The following CD300A variants were observed in gnomAD, a reference collection of about 807,000 sequenced individuals.
The protein encoded by CD300A is CMRF35-like molecule 8.
Under a neutral mutation model 33.6 loss-of-function variants are expected in CD300A, and 22 were observed. The ratio of observed to expected loss-of-function variants is 0.66; its 90% CI spans 0.47 to 0.94. The LOEUF is 0.94. Among genes scored for constraint, CD300A ranks in the 40% least tolerant of loss-of-function variants. The pLI, the probability that CD300A is intolerant of heterozygous loss-of-function variation, is 0.00. For synonymous variants in CD300A, 136 were observed against 148.1 expected, an observed-to-expected ratio of 0.92 and a Z score of 0.59; for missense variants, 326 against 360.5, an observed-to-expected ratio of 0.90 and a Z score of 0.77.
At chr17:74,476,918 T>G (rs1906502199) in intron 3 of CD300A, among the ~76,000 whole-genome samples, 1 of 152,150 alleles carries the variant, frequency 6.6e-6, no homozygotes, top group Admixed American at 6.6e-5. Context: ...ACATTCGTAT[T>G]TGCTTGTATA....
chr17:74,483,697 G>T (rs1159617254), intron 6 of CD300A, among the ~76,000 whole-genome samples: 5 of 151,554 alleles, frequency 3.3e-5, no homozygotes, highest in Non-Finnish European at 7.4e-5. Context: ...GGTGTCTTGG[G>T]GGAGCCCAGC....
chr17:74,480,333 G>A lies in CD300A; in HGVS notation c.629-956G>A, dbSNP rs148650618. Among the ~76,000 whole-genome samples the A allele has an allele frequency of 4.5e-3, 681 of 152,248 alleles. 10 individuals carry two copies. Among genetic ancestry groups the A allele is most frequent in the African/African-American group, 0.016 (648 of 41,554 alleles). The stretch of plus-strand genomic sequence containing the variant: ...TGGGCTCTGGGGTTGCCTGGCTGTG[G>A]ACCTAACCAAGGGCATCAGCAGCGT... On this transcript the variant is annotated intron_variant, in intron 4 of 6. Transcript: ENST00000360141. This position sits in a 1 kb window ranked among gnomAD's most constrained non-coding sequence, Gnocchi z 4.2.
chr17:74,473,953 G>A, intron 2 of CD300A, 79 bp downstream of exon 2: 1 of 1,495,216 alleles, frequency 6.7e-7, no homozygotes. Flanking sequence ...GAGACGTGAA[G>A]CAGACAGTGT....
At chr17:74,473,328 C>T (rs887380381) in intron 1 of CD300A, among the ~76,000 whole-genome samples, 2 of 151,980 alleles carry the variant, frequency 1.3e-5, no homozygotes, top group Non-Finnish European at 2.9e-5. Context: ...AGCCTGAGCT[C>T]TTCCGGTCTC....
chr17:74,466,812 AG>A (rs1905741171), intron 1 of CD300A, 69 bp downstream of exon 1: 2 of 1,552,314 alleles, frequency 1.3e-6, no homozygotes, highest in African/African-American at 2.7e-5. Flanking sequence ...GCCGCAGGGC[AG>A]GTATCACACG....
intron 1 of CD300A, among the ~76,000 whole-genome samples, chr17:74,469,362 T>TAA (rs879791899): frequency 2.8e-5 from 4 of 143,818 alleles, no homozygotes; most frequent in East Asian, 4.0e-4. Context: ...CCCCGTCTCT[T>TAA]AAAAAAAAAA....
chr17:74,470,701 T>C (rs910558068), intron 1 of CD300A, among the ~76,000 whole-genome samples: 2 of 152,064 alleles, frequency 1.3e-5, no homozygotes, highest in South Asian at 2.1e-4. Flanking sequence ...CAGGCTGGAG[T>C]GCAGTGGTGT....
chr17:74,472,825 G>C (rs541779798), intron 1 of CD300A, among the ~76,000 whole-genome samples: 2 of 152,280 alleles, frequency 1.3e-5, no homozygotes, highest in Admixed American at 6.5e-5. Flanking sequence ...GGCCAGGCTA[G>C]TCTCGAACTC....
chr17:74,481,225 G>A, intron 4 of CD300A, 64 bp from the exon 5 acceptor site: 2 of 1,529,540 alleles, frequency 1.3e-6, no homozygotes, highest in Non-Finnish European at 1.8e-6. Flanking sequence ...CAGAAGGCTT[G>A]TAAGGTCCTC....
In CD300A at chr17:74,484,172, G is replaced by T. The variant is rs1907106938; in HGVS notation, c.*46G>T. ...TCGGAGCTCTCATGGGCCCCAGGAA[G>T]TCCAGGGACAGCTCCCTTATACCTG... is the stretch of plus-strand genomic sequence containing the variant. On this transcript the variant is annotated 3_prime_UTR_variant, in exon 7 of 7. Coordinates refer to ENST00000360141, the MANE Select transcript of CD300A (RefSeq NM_007261.4). The T allele has an allele frequency of 2.5e-6, 4 of 1,606,042 alleles. No homozygotes were observed. Among genetic ancestry groups the T allele is most frequent in the Non-Finnish European group, 3.4e-6 (4 of 1,175,240 alleles).
chr17:74,478,325 C>T (rs1485500773), intron 4 of CD300A, among the ~76,000 whole-genome samples: 2 of 152,216 alleles, frequency 1.3e-5, no homozygotes, highest in Admixed American at 1.3e-4. Flanking sequence ...ATCTGCCTTC[C>T]CACAGGCATG....
rs1330424467 is a variant in CD300A, at chr17:74,480,342, AAGGGCATCAGC to A, written c.629-944_629-934del. On this transcript the variant is annotated intron_variant, in intron 4 of 6. Transcript: ENST00000360141. The surrounding 1 kb of genome is among the most constrained non-coding windows in gnomAD (Gnocchi z 4.2). ...GGGTTGCCTGGCTGTGGACCTAACC[AAGGGCATCAGC>A]AGCGTGTGTGTCACCCGCTGCCCAC... Among the ~76,000 whole-genome samples, 1 of 152,006 alleles carries A rather than the reference AAGGGCATCAGC, an allele frequency of 6.6e-6. No homozygotes were observed. The highest frequency in any genetic ancestry group is 2.1e-4 in the South Asian group (1 of 4,822).
chr17:74,473,913 GT>G, intron 2 of CD300A, 39 bp downstream of exon 2: 1 of 1,583,946 alleles, frequency 6.3e-7, no homozygotes, highest in Non-Finnish European at 8.6e-7. Flanking sequence ...ATAGGCTCAG[GT>G]TGGAATTGTT....
Position 74,481,332 on chromosome 17 carries a change from G to T in CD300A, c.666+6G>T, listed in dbSNP as rs1906829933. The T allele has an allele frequency of 1.2e-6, 2 of 1,613,770 alleles. No individual in the cohort carries two copies. The highest frequency in any genetic ancestry group is 4.5e-5 in the East Asian group (2 of 44,814). Reference sequence around the variant, plus strand: ...TGTCCCAGAACCCCAAGCAGGTAAGGGGGCTTTAGCAGGAGGTGTATCAGG... The same window carrying T: ...TGTCCCAGAACCCCAAGCAGGTAAGTGGGCTTTAGCAGGAGGTGTATCAGG... On this transcript the variant is annotated splice_donor_region_variant and intron_variant, in intron 5 of 6. Transcript: ENST00000360141.
chr17:74,474,566 G>A lies in CD300A; in HGVS notation c.414G>A (p.Ala138=), dbSNP rs1008144753. The A allele has an allele frequency of 1.1e-5, 18 of 1,614,018 alleles. No homozygotes were observed. Among genetic ancestry groups the A allele is most frequent in the African/African-American group, 2.7e-5 (2 of 74,922 alleles). The part of the protein sequence containing the change: ...STSMTPASIT[A]AKTSTITTAF... ...CAATGACACCTGCAAGTATCACTGC[G>A]GCCAAGACCTCAACAATCACAACTG... is the stretch of plus-strand genomic sequence containing the variant. Residue 138 remains alanine (A), a synonymous_variant, in exon 3 of 7, where the codon GCG becomes GCA. Coordinates refer to ENST00000360141, the MANE Select transcript of CD300A (RefSeq NM_007261.4).
At chr17:74,475,032 C>T (rs1010529869) in intron 3 of CD300A, among the ~76,000 whole-genome samples, 4 of 152,094 alleles carry the variant, frequency 2.6e-5, no homozygotes, top group East Asian at 1.9e-4. Flanking sequence ...GTTTTCGCAC[C>T]GTTGATAAAG....
rs531439582 is a variant in CD300A at position 74,474,003 on chromosome 17, G to C, written c.379+129G>C. Reference sequence around the variant, plus strand: ...GTAAGAGAGAGAGAGGTGGGGGCCAGGGGAACACAGTCAGGGGGTCTCTCC... The same window carrying C: ...GTAAGAGAGAGAGAGGTGGGGGCCACGGGAACACAGTCAGGGGGTCTCTCC... On this transcript the variant is annotated intron_variant, in intron 2 of 6. Coordinates refer to ENST00000360141, the MANE Select transcript of CD300A (RefSeq NM_007261.4). The C allele has an allele frequency of 3.7e-5, 39 of 1,051,808 alleles. 1 individual carries two copies. The South Asian group carries it at 5.9e-4, about 16-fold the overall frequency. 65.2% of individuals were successfully genotyped at this position (1,051,808 alleles called of 1,614,324 possible).
upstream of CD300A, chr17:74,466,466 A>T: frequency 3.4e-6 from 2 of 587,096 alleles, no homozygotes; most frequent in South Asian, 4.1e-5. Flanking sequence ...TAGCCGAAGA[A>T]CCTGCAGCCT....
rs531439544 is a variant in CD300A, at chr17:74,480,401, A to G, written c.629-888A>G. Among the ~76,000 whole-genome samples the G allele has an allele frequency of 1.6e-4, 24 of 152,218 alleles. No individual in the cohort carries two copies. Among genetic ancestry groups the G allele is most frequent in the African/African-American group, 5.3e-4 (22 of 41,544 alleles). On this transcript the variant is annotated intron_variant, in intron 4 of 6. Transcript: ENST00000360141. This position sits in a 1 kb window ranked among gnomAD's most constrained non-coding sequence, Gnocchi z 4.2. ...CACGTGGTCCGGGCTCCTGGGGTGA[A>G]AGGGTTAGGGTGTACAGGGCTGTGC...
Sources: allele counts gnomAD v4.1 joint callset (sites outside exome capture counted in the v4.1 genomes callset), GRCh38; gene constraint gnomAD v4.1.1; non-coding constraint Gnocchi (gnomAD v3.1); transcripts MANE v1.5; gene names NCBI Gene and HGNC (gene_info 2026-07-23, HGNC 2026-07-21).